The following INVS variants were observed in gnomAD, a reference collection of about 807,000 sequenced individuals.
The protein encoded by INVS is inversion of embryo turning homolog.
In INVS, 86 loss-of-function variants were observed where a neutral mutation model predicts 108.8. The ratio of observed to expected loss-of-function variants is 0.79; its 90% CI spans 0.66 to 0.95. INVS has a LOEUF of 0.95. Among genes scored for constraint, INVS ranks in the 40% least tolerant of loss-of-function variants. The pLI is 0.00. For synonymous variants in INVS, 455 were observed against 473.5 expected (o/e 0.96, Z 0.51); for missense variants, 1,169 against 1,297.4 (o/e 0.90, Z 1.52).
intron 3 of INVS, among the ~76,000 whole-genome samples, chr9:100,218,242 C>T (rs1831050086): frequency 6.6e-6 from 1 of 152,092 alleles, no homozygotes; most frequent in African/African-American, 2.4e-5. Flanking sequence ...TTGTTTTTCT[C>T]TCCAAGTACA....
chr9:100,139,919 A>G (rs1828368139), intron 3 of INVS, among the ~76,000 whole-genome samples: 1 of 152,222 alleles, frequency 6.6e-6, no homozygotes, highest in Admixed American at 6.5e-5. Flanking sequence ...TTAGGATTAC[A>G]GGCATGAGCC....
intron 11 of INVS, among the ~76,000 whole-genome samples, chr9:100,268,493 T>C (rs1350253993): frequency 6.6e-6 from 1 of 152,094 alleles, no homozygotes; most frequent in Non-Finnish European, 1.5e-5. Context: ...CCCAGCCTCA[T>C]TTTCGTAGCC....
At chr9:100,156,943 T>TACAC (rs140690543) in intron 3 of INVS, among the ~76,000 whole-genome samples, 28,869 of 149,466 alleles carry the variant, frequency 0.19, 4,507 homozygotes, top group African/African-American at 0.44. Context: ...TATATATATA[T>TACAC]ACACACACAC....
At chr9:100,122,811 C>T (rs1376329216) in intron 2 of INVS, among the ~76,000 whole-genome samples, 1 of 151,866 alleles carries the variant, frequency 6.6e-6, no homozygotes, top group Non-Finnish European at 1.5e-5. Flanking sequence ...GTCTCGATCT[C>T]CTGACCTCAT....
intron 3 of INVS, among the ~76,000 whole-genome samples, chr9:100,132,328 TA>T (rs1274900969): frequency 6.6e-6 from 1 of 152,240 alleles, no homozygotes; most frequent in Non-Finnish European, 1.5e-5. Flanking sequence ...TGTTGAAATT[TA>T]AATGAATAAT....
chr9:100,282,258 G>A (rs970006552), intron 12 of INVS, among the ~76,000 whole-genome samples: 35 of 152,130 alleles, frequency 2.3e-4, no homozygotes, highest in African/African-American at 7.0e-4. Context: ...GCTTGCATCC[G>A]TATGAATCTC....
chr9:100,225,481 T>G (rs1288886980), intron 3 of INVS, among the ~76,000 whole-genome samples: 1 of 152,206 alleles, frequency 6.6e-6, no homozygotes, highest in East Asian at 1.9e-4. Context: ...TGAATCTCAG[T>G]TTCCTCACCT....
intron 10 of INVS, among the ~76,000 whole-genome samples, chr9:100,254,680 T>A (rs1832355070): frequency 6.6e-6 from 1 of 152,200 alleles, no homozygotes; most frequent in African/African-American, 2.4e-5. Context: ...GGGAATCCTT[T>A]CCCCATTGCT....
intron 10 of INVS, among the ~76,000 whole-genome samples, chr9:100,257,784 G>A (rs1013850206): frequency 5.3e-5 from 8 of 152,230 alleles, no homozygotes; most frequent in Non-Finnish European, 1.0e-4. Context: ...TCTGCTGTTA[G>A]TCTGATGGGC....
chr9:100,198,017 A>C (rs947011986), intron 3 of INVS, among the ~76,000 whole-genome samples: 2 of 152,132 alleles, frequency 1.3e-5, no homozygotes, highest in African/African-American at 4.8e-5. Flanking sequence ...GGTCTGTGGG[A>C]GTTAAGAGCC....
In INVS at chr9:100,297,998, C is replaced by T. The variant is rs771248759; in HGVS notation, c.3079C>T (p.Arg1027Cys). The T allele has an allele frequency of 1.1e-5, 18 of 1,614,082 alleles. No individual in the cohort carries two copies. The highest frequency in any genetic ancestry group is 7.7e-5 in the South Asian group (7 of 91,068). The change falls in exon 16 of 17, where the codon CGT (arginine) becomes TGT (cysteine). Residue 1027 changes from arginine (R) to cysteine (C), a missense_variant. Physicochemically the swap from Arg to Cys is radical, Grantham distance 180. Transcript: ENST00000262457. The stretch of plus-strand genomic sequence containing the variant: ...ATCTGTAAAAGCCTCTTCTGTGCTG[C>T]GTCTCAACTCAGGTAAGGCAGCCAC... ...TRSVKASSVL[R>C]LNSVSNLQCI...
intron 2 of INVS, chr9:100,120,847 T>A (rs1243495264): frequency 6.6e-6 from 1 of 152,222 alleles, no homozygotes; most frequent in East Asian, 1.9e-4. Flanking sequence ...CTTTCTTTGG[T>A]GAGCATTTGT....
chr9:100,226,743 G>A (rs1454563458), intron 4 of INVS, among the ~76,000 whole-genome samples: 1 of 148,602 alleles, frequency 6.7e-6, no homozygotes, highest in Admixed American at 6.9e-5. Flanking sequence ...AAACTGGGAG[G>A]CAGAGGTTTC....
At chr9:100,154,331 A>ATGTTTTTTTTT (rs1828899233) in intron 3 of INVS, among the ~76,000 whole-genome samples, 1 of 68,580 alleles carries the variant, frequency 1.5e-5, no homozygotes, top group Non-Finnish European at 2.5e-5. Context: ...CAACCGACTA[A>ATGTTTTTTTTT]TTTTTTTTTT....
At chr9:100,105,375 G>A (rs1005017594) in intron 2 of INVS, among the ~76,000 whole-genome samples, 2 of 152,092 alleles carry the variant, frequency 1.3e-5, no homozygotes, top group African/African-American at 2.4e-5. Context: ...TTCTACTGGT[G>A]TACCGTAACC....
At chr9:100,151,831 A>T (rs1454855424) in intron 3 of INVS, among the ~76,000 whole-genome samples, 2 of 152,204 alleles carry the variant, frequency 1.3e-5, no homozygotes, top group African/African-American at 2.4e-5. Context: ...TGAAAATGTG[A>T]TACCTACAAC....
intron 3 of INVS, among the ~76,000 whole-genome samples, chr9:100,136,028 T>G (rs1462526126): frequency 1.3e-5 from 2 of 152,042 alleles, no homozygotes; most frequent in Non-Finnish European, 2.9e-5. Flanking sequence ...TTTACTATGA[T>G]GCTAAGATTT....
chr9:100,179,225 A>G (rs1017380920), intron 3 of INVS, among the ~76,000 whole-genome samples: 19 of 152,342 alleles, frequency 1.2e-4, no homozygotes, highest in Admixed American at 1.2e-3. Flanking sequence ...AAGAAACTGC[A>G]TCAACGAATA....
chr9:100,178,416 A>G (rs1260359435), intron 3 of INVS, among the ~76,000 whole-genome samples: 1 of 152,234 alleles, frequency 6.6e-6, no homozygotes, highest in Non-Finnish European at 1.5e-5. Flanking sequence ...ATTGCTAACT[A>G]GAATAACCAG....
Sources: gnomAD v4.1 joint callset for allele counts (sites outside exome capture counted in the v4.1 genomes callset) on GRCh38, gnomAD v4.1.1 for gene constraint, MANE v1.5 for transcripts, NCBI Gene and HGNC (gene_info 2026-07-23, HGNC 2026-07-21) for gene names.